CNTN5: variants seen among roughly 807,000 people sequenced by gnomAD.
CNTN5 encodes contactin 5.
A neutral mutation model predicts 129.1 loss-of-function variants in CNTN5; 77 were observed. That is an observed-to-expected ratio of 0.60 (90% CI 0.50 to 0.72). The LOEUF is 0.72. Ranked by LOEUF, CNTN5 falls within the 30% of genes least tolerant of loss-of-function variation. The probability of loss-of-function intolerance (pLI) is 0.00; values close to 1 mark genes in which losing one functional copy is unlikely to be tolerated. For synonymous variants in CNTN5, 509 were observed against 465.6 expected, an observed-to-expected ratio of 1.09 and a Z score of -1.20; for missense variants, 1,478 against 1,328.8, an observed-to-expected ratio of 1.11 and a Z score of -1.75.
At chr11:99,557,165 CTAAA>C (rs1235730268) in intron 3 of CNTN5, among the ~76,000 whole-genome samples, 4 of 150,996 alleles carry the variant, frequency 2.6e-5, no homozygotes, top group Non-Finnish European at 5.9e-5. Flanking sequence ...GTTAATTATA[CTAAA>C]TATATTTTTA....
chr11:100,305,200 G>T (rs1336753622), intron 20 of CNTN5, among the ~76,000 whole-genome samples: 2 of 151,548 alleles, frequency 1.3e-5, no homozygotes, highest in African/African-American at 4.8e-5. Flanking sequence ...GTAGAGTCTG[G>T]ATAAATTAAC....
At chr11:100,008,650 A>G (rs962448338) in intron 9 of CNTN5, among the ~76,000 whole-genome samples, 12 of 152,118 alleles carry the variant, frequency 7.9e-5, no homozygotes, top group African/African-American at 2.9e-4. Context: ...ATGTAAACAT[A>G]CACTATGGAC....
rs1179515607 is a variant in CNTN5 at position 99,819,590 on chromosome 11, G to A, written c.102G>A (p.Leu34=). 6.2e-7 allele frequency: 1 copy of A among 1,612,880 alleles called. No homozygotes were observed. The highest frequency in any genetic ancestry group is 8.5e-7 in the Non-Finnish European group (1 of 1,179,806). Residue 34 remains leucine, a synonymous_variant, in exon 4 of 25, where the codon TTG becomes TTA. Coordinates refer to ENST00000524871, the MANE Select transcript of CNTN5 (RefSeq NM_014361.4). ...LPGLSTSYAA[L]LRIKKSSSSS... Reference sequence around the variant, plus strand: ...GTCTCTCCACTTCATATGCTGCTTTGTTAAGAATTAAGAAGAGTTCATCTT... The same window carrying A: ...GTCTCTCCACTTCATATGCTGCTTTATTAAGAATTAAGAAGAGTTCATCTT...
At chr11:99,907,008 T>C (rs982889286) in intron 6 of CNTN5, among the ~76,000 whole-genome samples, 2 of 152,174 alleles carry the variant, frequency 1.3e-5, no homozygotes, top group East Asian at 1.9e-4. Flanking sequence ...ATTTGATTCT[T>C]CTCTCTTTTC....
At chr11:99,851,069 G>C (rs1469975362) in intron 6 of CNTN5, among the ~76,000 whole-genome samples, 1 of 151,544 alleles carries the variant, frequency 6.6e-6, no homozygotes, top group Non-Finnish European at 1.5e-5. Context: ...CAGCTGCTCT[G>C]TAGTGGTTCA....
chr11:100,348,665 G>A (rs1952338381), intron 23 of CNTN5, among the ~76,000 whole-genome samples: 1 of 151,840 alleles, frequency 6.6e-6, no homozygotes, highest in African/African-American at 2.4e-5. Flanking sequence ...ACCTCACATG[G>A]ATGATCAGAA....
At chr11:100,303,745 A>T (rs1225267391) in intron 20 of CNTN5, among the ~76,000 whole-genome samples, 1 of 151,642 alleles carries the variant, frequency 6.6e-6, no homozygotes, top group Non-Finnish European at 1.5e-5. Context: ...TAATATTCCT[A>T]AGGTGTTATT....
At chr11:99,586,626 A>G (rs868760798) in intron 3 of CNTN5, among the ~76,000 whole-genome samples, 1 of 152,236 alleles carries the variant, frequency 6.6e-6, no homozygotes, top group Non-Finnish European at 1.5e-5. Context: ...TTTCTTATTA[A>G]TATTACGACT....
In CNTN5 at chr11:100,156,112, C is replaced by A. The variant is rs563384254; in HGVS notation, c.1581-35014C>A. Among the ~76,000 whole-genome samples the A allele has an allele frequency of 4.6e-5, 7 of 152,186 alleles. No individual in the cohort carries two copies. In the South Asian group the frequency reaches 1.4e-3, roughly 32 times the overall value. On this transcript the variant is annotated intron_variant, in intron 13 of 24. Transcript: ENST00000524871. ...TCAAAGGGAATGCTTCCAGTTTGTG[C>A]CCATTCAGTATGATACTGGCTATGG...
chr11:99,535,619 C>A (rs10790778), intron 2 of CNTN5, among the ~76,000 whole-genome samples: 2 of 151,908 alleles, frequency 1.3e-5, no homozygotes, highest in Non-Finnish European at 2.9e-5. Context: ...TAATGTACAG[C>A]GAGGCTGAAA....
At chr11:100,209,788 C>A (rs1435593172) in intron 15 of CNTN5, among the ~76,000 whole-genome samples, 1 of 152,048 alleles carries the variant, frequency 6.6e-6, no homozygotes, top group Non-Finnish European at 1.5e-5. Context: ...ATATCTGAAG[C>A]AAAAATAAAG....
chr11:99,268,474 G>A (rs1208982812), intron 1 of CNTN5, among the ~76,000 whole-genome samples: 2 of 151,476 alleles, frequency 1.3e-5, no homozygotes, highest in South Asian at 2.1e-4. Flanking sequence ...AATTATAAAA[G>A]CATTATTGAA....
In CNTN5 at chr11:99,067,857, G is replaced by A. The variant is rs549341873; in HGVS notation, c.-210+46587G>A. Reference sequence around the variant, plus strand: ...CCCACCCAAAATCTCATCTTGAATTGTAATCCTCACAATCCTCAGAATCCC... The same window carrying A: ...CCCACCCAAAATCTCATCTTGAATTATAATCCTCACAATCCTCAGAATCCC... On this transcript the variant is annotated intron_variant, in intron 1 of 24. Coordinates refer to ENST00000524871, the MANE Select transcript of CNTN5 (RefSeq NM_014361.4). 5.3e-5 allele frequency among the ~76,000 whole-genome samples: 8 copies of A among 152,206 alleles called. No individual in the cohort carries two copies. In the South Asian group the frequency reaches 1.5e-3, roughly 28 times the overall value.
At chr11:99,847,410 A>G (rs1295059372) in intron 6 of CNTN5, among the ~76,000 whole-genome samples, 1 of 152,218 alleles carries the variant, frequency 6.6e-6, no homozygotes, top group Non-Finnish European at 1.5e-5. Flanking sequence ...GCTGTCTTCA[A>G]CTTGATTTAG....
intron 1 of CNTN5, among the ~76,000 whole-genome samples, chr11:99,278,184 T>C (rs931235203): frequency 6.6e-6 from 1 of 151,564 alleles, no homozygotes; most frequent in Non-Finnish European, 1.5e-5. Flanking sequence ...ATGGAAATGC[T>C]TGGAAGGTCT....
chr11:100,209,410 A>T (rs4630260), intron 15 of CNTN5, among the ~76,000 whole-genome samples: 29,493 of 152,136 alleles, frequency 0.19, 3,232 homozygotes, highest in East Asian at 0.53. Context: ...TACTGAATTA[A>T]GTTCAGCCAG....
At chr11:99,765,139 T>A (rs1944710061) in intron 3 of CNTN5, among the ~76,000 whole-genome samples, 1 of 152,032 alleles carries the variant, frequency 6.6e-6, no homozygotes, top group South Asian at 2.1e-4. Flanking sequence ...TGTCAAATAC[T>A]TTTTGACCCA....
intron 1 of CNTN5, among the ~76,000 whole-genome samples, chr11:99,062,099 G>C (rs1864907513): frequency 1.3e-5 from 2 of 152,180 alleles, no homozygotes; most frequent in East Asian, 3.9e-4. Flanking sequence ...AGTTGTAGTG[G>C]AGTTATTCAA....
chr11:99,477,935 A>G (rs111277383), intron 2 of CNTN5, among the ~76,000 whole-genome samples: 6,499 of 152,292 alleles, frequency 0.043, 173 homozygotes, highest in South Asian at 0.082. Context: ...CTGCTGTTGT[A>G]GAATCAGAAT....
Sources: gnomAD v4.1 joint callset for allele counts (sites outside exome capture counted in the v4.1 genomes callset) on GRCh38, gnomAD v4.1.1 for gene constraint, MANE v1.5 for transcripts, NCBI Gene and HGNC (gene_info 2026-07-23, HGNC 2026-07-21) for gene names.